PAX3: variants seen among roughly 807,000 people sequenced by gnomAD.
PAX3 encodes paired box protein Pax-3.
PAX3 carries 14 observed loss-of-function variants against 51.6 expected under a neutral mutation model. That is an observed-to-expected ratio of 0.27 (90% CI 0.18 to 0.42). The LOEUF (loss-of-function observed/expected upper bound fraction) is 0.42, where lower values mean the gene tolerates loss of function less well. Among genes scored for constraint, PAX3 ranks in the 10% least tolerant of loss-of-function variants. The pLI is 1.00. For missense variants in PAX3, 540 were observed against 642.8 expected (o/e 0.84, Z 1.73); for synonymous variants, 280 against 253.4 (o/e 1.11, Z -1.00).
chr2:222,201,084 T>A lies in PAX3; in HGVS notation c.*324A>T, dbSNP rs1226190765. The A allele has an allele frequency of 7.2e-7, 1 of 1,388,628 alleles. No homozygotes were observed. Among genetic ancestry groups the A allele is most frequent in the African/African-American group, 1.4e-5 (1 of 70,492 alleles). The allele number at this position is 1,388,628 out of a possible 1,614,324, so 86.0% of individuals were successfully genotyped here. On this transcript the variant is annotated 3_prime_UTR_variant, in exon 9 of 9. Coordinates refer to ENST00000392070, the MANE Select transcript of PAX3 (RefSeq NM_181458.4). ...GCACGCACACAAGCAAATGGAATGT[T>A]CTAGCTCCTCGATGATCAGCACTAA...
intron 7 of PAX3, among the ~76,000 whole-genome samples, chr2:222,207,094 T>G (rs1244946416): frequency 6.6e-6 from 1 of 152,202 alleles, no homozygotes; most frequent in Non-Finnish European, 1.5e-5. Flanking sequence ...CTATATTTTT[T>G]TATTTAGATA....
rs1251972651 is a variant in PAX3 at position 222,200,298 on chromosome 2, A to G, written c.*1110T>C. Reference sequence around the variant, plus strand: ...GGATATCATTGTATAATTTAAAAGTACATGAGAGCCATGTGAACACTTCTG... The same window carrying G: ...GGATATCATTGTATAATTTAAAAGTGCATGAGAGCCATGTGAACACTTCTG... On this transcript the variant is annotated 3_prime_UTR_variant, in exon 9 of 9. Coordinates refer to ENST00000392070, the MANE Select transcript of PAX3 (RefSeq NM_181458.4). The G allele has an allele frequency of 4.6e-6, 1 of 219,044 alleles. No individual in the cohort carries two copies. Among genetic ancestry groups the G allele is most frequent in the African/African-American group, 2.2e-5 (1 of 44,570 alleles). The allele number at this position is 219,044 out of a possible 1,614,324, so 13.6% of individuals were successfully genotyped here. A position where few individuals can be genotyped will look rare whatever the true frequency, so the allele number is the denominator to read the frequency against.
intron 4 of PAX3, among the ~76,000 whole-genome samples, chr2:222,273,405 T>C (rs1694317692): frequency 6.6e-6 from 1 of 152,198 alleles, no homozygotes; most frequent in African/African-American, 2.4e-5. Flanking sequence ...CGAGGAAACA[T>C]AAGTTCATTG....
chr2:222,278,549 G>A (rs1694512559), intron 4 of PAX3, among the ~76,000 whole-genome samples: 2 of 152,132 alleles, frequency 1.3e-5, no homozygotes, highest in South Asian at 4.1e-4. Context: ...GGAGCCCAAG[G>A]GACAAAAGCC....
At chr2:222,281,718 T>C (rs928886287) in intron 4 of PAX3, among the ~76,000 whole-genome samples, 1 of 152,240 alleles carries the variant, frequency 6.6e-6, no homozygotes, top group African/African-American at 2.4e-5. Flanking sequence ...AGTAATCAGA[T>C]GCCACAAACT....
At chr2:222,278,023 T>C (rs2106169364) in intron 4 of PAX3, among the ~76,000 whole-genome samples, 1 of 151,776 alleles carries the variant, frequency 6.6e-6, no homozygotes, top group South Asian at 2.1e-4. Flanking sequence ...GTATTTTATG[T>C]GTGACCGAAG....
intron 4 of PAX3, among the ~76,000 whole-genome samples, chr2:222,258,737 G>A (rs916286782): frequency 6.6e-6 from 1 of 152,162 alleles, no homozygotes; most frequent in African/African-American, 2.4e-5. Flanking sequence ...CATACTGTTT[G>A]CAATTACAGA....
chr2:222,230,594 T>A (rs376241212), intron 5 of PAX3, among the ~76,000 whole-genome samples: 29 of 152,178 alleles, frequency 1.9e-4, no homozygotes, highest in South Asian at 1.7e-3. Flanking sequence ...TGGTGGCTCA[T>A]ACCTGTAATC....
chr2:222,238,398 T>C (rs1348398308), intron 4 of PAX3, among the ~76,000 whole-genome samples: 1 of 152,200 alleles, frequency 6.6e-6, no homozygotes, highest in African/African-American at 2.4e-5. Flanking sequence ...TCTGTAATTA[T>C]TGGTGTTCAG....
chr2:222,253,035 A>C (rs1190693312), intron 4 of PAX3, among the ~76,000 whole-genome samples: 1 of 152,210 alleles, frequency 6.6e-6, no homozygotes, highest in African/African-American at 2.4e-5. Flanking sequence ...CTGGTGACCC[A>C]TAGGCTACTT....
At chr2:222,254,523 G>C (rs565538906) in intron 4 of PAX3, among the ~76,000 whole-genome samples, 1 of 152,258 alleles carries the variant, frequency 6.6e-6, no homozygotes, top group African/African-American at 2.4e-5. Context: ...TATCAAAAAG[G>C]CATCTGGCAG....
intron 7 of PAX3, among the ~76,000 whole-genome samples, chr2:222,204,730 T>C (rs1008544673): frequency 5.9e-5 from 9 of 152,290 alleles, no homozygotes; most frequent in Admixed American, 1.3e-4. Context: ...TGTAACTATA[T>C]CAGTCCAGAG....
At chr2:222,244,046 A>G (rs1489200298) in intron 4 of PAX3, among the ~76,000 whole-genome samples, 2 of 152,196 alleles carry the variant, frequency 1.3e-5, no homozygotes, top group South Asian at 2.1e-4. Flanking sequence ...GTGCAAAAGT[A>G]TAAGTCTCCT....
At chr2:222,215,017 T>C (rs1691897971) in intron 7 of PAX3, among the ~76,000 whole-genome samples, 1 of 152,188 alleles carries the variant, frequency 6.6e-6, no homozygotes, top group Non-Finnish European at 1.5e-5. Flanking sequence ...TCCAGATTTA[T>C]ACCAAATGTA....
At position 222,226,731 on chromosome 2, in the gene PAX3, C is replaced by T. The variant is rs114447004; in HGVS notation, c.793-5344G>A. On this transcript the variant is annotated intron_variant, in intron 5 of 8. Coordinates refer to ENST00000392070, the MANE Select transcript of PAX3 (RefSeq NM_181458.4). ...GTCCTGAGAAATTATGCATTTGGGT[C>T]ATTCCCAAAATGCATGATTTCTCAG... Among the ~76,000 whole-genome samples, 619 of 150,042 alleles carry T rather than the reference C, an allele frequency of 4.1e-3. 6 individuals are homozygous for T. The highest frequency in any genetic ancestry group is 0.015 in the African/African-American group (597 of 40,956).
intron 4 of PAX3, among the ~76,000 whole-genome samples, chr2:222,279,601 T>C (rs1240546254): frequency 6.6e-6 from 1 of 152,232 alleles, no homozygotes; most frequent in Non-Finnish European, 1.5e-5. Context: ...TGAGTGACAG[T>C]TCTTTTTATT....
intron 4 of PAX3, among the ~76,000 whole-genome samples, chr2:222,253,696 T>C (rs1693526606): frequency 6.6e-6 from 1 of 152,068 alleles, no homozygotes; most frequent in African/African-American, 2.4e-5. Flanking sequence ...TGTTGCCCAG[T>C]CTGGAGTGCA....
chr2:222,280,241 A>G, intron 4 of PAX3, among the ~76,000 whole-genome samples: 1 of 148,558 alleles, frequency 6.7e-6, no homozygotes, highest in East Asian at 2.0e-4. Flanking sequence ...GAGAGGGAGA[A>G]AGAAAGAAAG....
At chr2:222,273,220 A>G (rs1015252560) in intron 4 of PAX3, among the ~76,000 whole-genome samples, 3 of 152,202 alleles carry the variant, frequency 2.0e-5, no homozygotes, top group Non-Finnish European at 4.4e-5. Flanking sequence ...TTCAACCAGC[A>G]TGTTCCTTAC....
Sources: allele counts gnomAD v4.1 joint callset (sites outside exome capture counted in the v4.1 genomes callset), GRCh38; gene constraint gnomAD v4.1.1; transcripts MANE v1.5; gene names NCBI Gene and HGNC (gene_info 2026-07-23, HGNC 2026-07-21).